The following CHSY3 variants were observed in gnomAD, a reference collection of about 807,000 sequenced individuals.
CHSY3 encodes the protein N-acetylgalactosaminyl-proteoglycan 3-beta-glucuronosyltransferase 3.
In CHSY3, 35 loss-of-function variants were observed where a neutral mutation model predicts 67.2. That is an observed-to-expected ratio of 0.52 (90% confidence interval 0.40 to 0.69). CHSY3 has a LOEUF of 0.69. Ranked by LOEUF, CHSY3 falls within the 30% of genes least tolerant of loss-of-function variation. CHSY3 has a pLI of 0.00. For missense variants in CHSY3, 1,069 were observed against 1,138.5 expected, an observed-to-expected ratio of 0.94 and a Z score of 0.88; for synonymous variants, 474 against 434.7, an observed-to-expected ratio of 1.09 and a Z score of -1.12.
At chr5:130,010,462 C>A (rs892816022) in intron 2 of CHSY3, among the ~76,000 whole-genome samples, 3 of 152,126 alleles carry the variant, frequency 2.0e-5, no homozygotes, top group African/African-American at 7.2e-5. Context: ...ACACCAGAAT[C>A]TCTGTGACAC....
At chr5:129,985,238 A>G (rs1040709442) in intron 2 of CHSY3, among the ~76,000 whole-genome samples, 20 of 152,218 alleles carry the variant, frequency 1.3e-4, no homozygotes, top group African/African-American at 4.1e-4. Context: ...AGTCTTCTGC[A>G]TATGGCTAGC....
chr5:130,065,669 A>C (rs1332733255), intron 2 of CHSY3, among the ~76,000 whole-genome samples: 1 of 152,134 alleles, frequency 6.6e-6, no homozygotes, highest in African/African-American at 2.4e-5. Flanking sequence ...AATATCTAAG[A>C]TAGCACTACT....
intron 2 of CHSY3, among the ~76,000 whole-genome samples, chr5:130,027,324 C>T (rs377210239): frequency 6.6e-6 from 1 of 152,026 alleles, no homozygotes; most frequent in African/African-American, 2.4e-5. Flanking sequence ...AGAATAGCCA[C>T]AAGTCTGGGG....
intron 2 of CHSY3, among the ~76,000 whole-genome samples, chr5:130,165,053 A>G (rs1262521338): frequency 6.6e-6 from 1 of 152,184 alleles, no homozygotes; most frequent in African/African-American, 2.4e-5. Context: ...AGAGGAATGC[A>G]AGGACCAGAC....
At chr5:129,944,858 T>C (rs1195493061) in intron 2 of CHSY3, among the ~76,000 whole-genome samples, 1 of 152,204 alleles carries the variant, frequency 6.6e-6, no homozygotes, top group Non-Finnish European at 1.5e-5. Context: ...AGTAAATGTC[T>C]CTTTTCTCTG....
chr5:129,945,814 A>G (rs1299042580), intron 2 of CHSY3, among the ~76,000 whole-genome samples: 1 of 152,208 alleles, frequency 6.6e-6, no homozygotes, highest in African/African-American at 2.4e-5. Context: ...TTATGAAGGA[A>G]AAAAACATGC....
At chr5:130,094,977 A>G (rs1766998180) in intron 2 of CHSY3, among the ~76,000 whole-genome samples, 1 of 152,172 alleles carries the variant, frequency 6.6e-6, no homozygotes, top group Non-Finnish European at 1.5e-5. Context: ...GTTAAGAGTA[A>G]GAAGTTACAA....
chr5:129,995,221 G>GTGTA (rs1763500378), intron 2 of CHSY3, among the ~76,000 whole-genome samples: 1 of 152,028 alleles, frequency 6.6e-6, no homozygotes, highest in Non-Finnish European at 1.5e-5. Flanking sequence ...TATTAGCCAT[G>GTGTA]TGTATATCCT....
At chr5:129,952,164 T>C (rs753233964) in intron 2 of CHSY3, among the ~76,000 whole-genome samples, 10 of 152,162 alleles carry the variant, frequency 6.6e-5, no homozygotes, top group Non-Finnish European at 1.3e-4. Flanking sequence ...GAGTGGAGCC[T>C]CTAATACTCG....
chr5:129,936,395 G>T (rs1027461691), intron 2 of CHSY3, among the ~76,000 whole-genome samples: 1 of 151,922 alleles, frequency 6.6e-6, no homozygotes, highest in Admixed American at 6.6e-5. Context: ...GGCTGACAGC[G>T]ACAGGGCCTA....
intron 2 of CHSY3, among the ~76,000 whole-genome samples, chr5:130,086,086 G>A (rs1342377947): frequency 6.6e-6 from 1 of 152,066 alleles, no homozygotes; most frequent in Non-Finnish European, 1.5e-5. Flanking sequence ...TGTATATTCT[G>A]TTGATTTGGG....
chr5:130,018,640 C>T (rs1329031804), intron 2 of CHSY3, among the ~76,000 whole-genome samples: 1 of 152,174 alleles, frequency 6.6e-6, no homozygotes, highest in Non-Finnish European at 1.5e-5. Context: ...AACCATAGGT[C>T]AGCCTTGTCG....
At chr5:130,183,004 C>T (rs1770296041) in intron 2 of CHSY3, among the ~76,000 whole-genome samples, 1 of 151,226 alleles carries the variant, frequency 6.6e-6, no homozygotes, top group African/African-American at 2.4e-5. Context: ...GTACCTGCTT[C>T]TGATGAGTAT....
chr5:129,957,579 C>T (rs184614084), intron 2 of CHSY3, among the ~76,000 whole-genome samples: 9 of 152,178 alleles, frequency 5.9e-5, no homozygotes, highest in Middle Eastern at 3.4e-3. Context: ...TAATATTTTG[C>T]TTTAGCATAG....
intron 2 of CHSY3, among the ~76,000 whole-genome samples, chr5:130,016,862 CA>C (rs1342670900): frequency 6.6e-6 from 1 of 152,144 alleles, no homozygotes; most frequent in Non-Finnish European, 1.5e-5. Context: ...CAATGGACCC[CA>C]CCACTTTAAA....
At chr5:129,908,556 C>A (rs1452038878) in intron 2 of CHSY3, among the ~76,000 whole-genome samples, 196 bp downstream of exon 2, 1 of 152,110 alleles carries the variant, frequency 6.6e-6, no homozygotes, top group Admixed American at 6.5e-5. Flanking sequence ...TTGTTATTAG[C>A]ATGCCCCTTA....
intron 2 of CHSY3, among the ~76,000 whole-genome samples, chr5:130,151,673 CACGA>C (rs1315028767): frequency 6.6e-6 from 1 of 152,116 alleles, no homozygotes; most frequent in East Asian, 1.9e-4. Flanking sequence ...CACATGGTGG[CACGA>C]AGAAGTGTCA....
rs138347094 is a variant in CHSY3 at position 130,046,491 on chromosome 5, C to A, written c.1087-137738C>A. 2.1e-3 allele frequency among the ~76,000 whole-genome samples: 318 copies of A among 152,166 alleles called. 1 individual carries two copies. Among genetic ancestry groups the A allele is most frequent in the African/African-American group, 7.4e-3 (307 of 41,550 alleles). ...AATGGATTTCATCTTGTGATTATCT[C>A]AAATATCTGGTGAACAGCTACTTTG... is the stretch of plus-strand genomic sequence containing the variant. On this transcript the variant is annotated intron_variant, in intron 2 of 2. Coordinates refer to ENST00000305031, the MANE Select transcript of CHSY3 (RefSeq NM_175856.5).
intron 2 of CHSY3, among the ~76,000 whole-genome samples, chr5:129,945,106 C>T (rs562880256): frequency 6.6e-5 from 10 of 152,284 alleles, no homozygotes; most frequent in African/African-American, 2.2e-4. Context: ...TTTGTTGGGC[C>T]ATTTGTGCTT....
Sources: allele counts gnomAD v4.1 joint callset (sites outside exome capture counted in the v4.1 genomes callset), GRCh38; gene constraint gnomAD v4.1.1; transcripts MANE v1.5; gene names NCBI Gene and HGNC (gene_info 2026-07-23, HGNC 2026-07-21).